INSC: variants seen among roughly 807,000 people sequenced by gnomAD.
INSC encodes the protein protein inscuteable homolog.
In INSC, 67 loss-of-function variants were observed where a neutral mutation model predicts 58.6. The ratio of observed to expected loss-of-function variants is 1.14; its 90% CI spans 0.94 to 1.40. The LOEUF is 1.40. INSC is among the 40% of genes most tolerant of loss of function. The pLI is 0.00. For missense variants in INSC, 714 were observed against 692.0 expected, an observed-to-expected ratio of 1.03 and a Z score of -0.36; for synonymous variants, 262 against 276.1, an observed-to-expected ratio of 0.95 and a Z score of 0.51.
chr11:15,200,714 C>A, intron 6 of INSC, 110 bp from the exon 7 acceptor site: 1 of 1,458,628 alleles, frequency 6.9e-7, no homozygotes, highest in Non-Finnish European at 9.4e-7. Context: ...TTGCTGGAGG[C>A]AGGGAGGACC....
At chr11:15,135,984 G>A (rs1861670319) in intron 1 of INSC, among the ~76,000 whole-genome samples, 1 of 152,118 alleles carries the variant, frequency 6.6e-6, no homozygotes. Flanking sequence ...GAAGGGCCAA[G>A]AAAGTGAATC....
intron 7 of INSC, among the ~76,000 whole-genome samples, chr11:15,211,674 T>G (rs1054207990): frequency 3.9e-5 from 6 of 152,184 alleles, no homozygotes; most frequent in African/African-American, 1.4e-4. Flanking sequence ...CCTTTAAAAT[T>G]TTGGCTTATG....
chr11:15,115,963 A>G (rs571199622), intron 1 of INSC, among the ~76,000 whole-genome samples: 2 of 152,174 alleles, frequency 1.3e-5, no homozygotes, highest in South Asian at 4.2e-4. Context: ...ACCTCTGACA[A>G]TGGGTCCAAG....
chr11:15,197,252 G>C (rs1249158526), intron 6 of INSC, among the ~76,000 whole-genome samples: 1 of 152,226 alleles, frequency 6.6e-6, no homozygotes, highest in Non-Finnish European at 1.5e-5. Flanking sequence ...TCCAAGGGAT[G>C]GAGCAGACAG....
intron 2 of INSC, among the ~76,000 whole-genome samples, chr11:15,160,681 G>A (rs1017575597): frequency 1.3e-5 from 2 of 152,256 alleles, no homozygotes; most frequent in African/African-American, 4.8e-5. Flanking sequence ...GAGTTTGACA[G>A]TTAACAAGAT....
intron 1 of INSC, among the ~76,000 whole-genome samples, chr11:15,122,778 GA>G (rs1157393286): frequency 6.6e-6 from 1 of 152,142 alleles, no homozygotes; most frequent in African/African-American, 2.4e-5. Flanking sequence ...GGTACCACAA[GA>G]GCCCCCTGGT....
chr11:15,260,010 G>GA, the INSC span, among the ~76,000 whole-genome samples: 8 of 151,898 alleles, frequency 5.3e-5, no homozygotes, highest in East Asian at 1.9e-4. Context: ...TGATCAGTGG[G>GA]AAAAAAAAGT....
At chr11:15,219,899 C>A (rs547317302) in intron 7 of INSC, among the ~76,000 whole-genome samples, 2 of 152,312 alleles carry the variant, frequency 1.3e-5, no homozygotes, top group African/African-American at 4.8e-5. Context: ...TAGGCCCAAA[C>A]GAGGCCTCTC....
Position 15,176,060 on chromosome 11 carries a change from AG to A in INSC, c.378del (p.Asn127ThrfsTer3). 6.5e-7 allele frequency: 1 copy of A among 1,540,242 alleles called. No homozygotes were observed. The highest frequency in any genetic ancestry group is 8.8e-7 in the Non-Finnish European group (1 of 1,134,198). On this transcript the variant is annotated frameshift_variant, in exon 3 of 13. Transcript: ENST00000379556. LOFTEE classifies it high-confidence loss of function. ...SMVSEYSAVSRNSLKEMGEIE... is the reference protein window; with the variant it reads ...SMVSEYSAVSXNSLKEMGEIE... ...GGTCAGCGAGTACAGTGCTGTCAGC[AG>A]GAACTCCTTGAAGGAAATGGGCGAG...
chr11:15,151,584 T>G (rs1228454820), intron 2 of INSC, among the ~76,000 whole-genome samples: 1 of 150,278 alleles, frequency 6.7e-6, no homozygotes, highest in Non-Finnish European at 1.5e-5. Flanking sequence ...TCCTCTGGCC[T>G]CCTATCTTTC....
intron 2 of INSC, among the ~76,000 whole-genome samples, chr11:15,157,397 TGTGA>T (rs1848852164): frequency 6.6e-6 from 1 of 152,152 alleles, no homozygotes; most frequent in South Asian, 2.1e-4. Context: ...CCGTCCTCTG[TGTGA>T]GTAATAGGAT....
chr11:15,217,013 A>G (rs972563022), intron 7 of INSC, among the ~76,000 whole-genome samples: 1 of 152,248 alleles, frequency 6.6e-6, no homozygotes, highest in South Asian at 2.1e-4. Context: ...TGAGATTGGT[A>G]TTATTCCTGT....
chr11:15,117,179 T>C (rs1445792822), intron 1 of INSC, among the ~76,000 whole-genome samples: 1 of 151,696 alleles, frequency 6.6e-6, no homozygotes, highest in East Asian at 1.9e-4. Context: ...TGACCTCAGG[T>C]GATCTGCCTG....
chr11:15,137,056 A>G (rs1461398069), intron 1 of INSC, among the ~76,000 whole-genome samples: 1 of 152,176 alleles, frequency 6.6e-6, no homozygotes, highest in African/African-American at 2.4e-5. Flanking sequence ...CAGTGTGAAA[A>G]CATTAATCTC....
intron 5 of INSC, among the ~76,000 whole-genome samples, chr11:15,189,460 T>C (rs1850087042): frequency 6.6e-6 from 1 of 152,056 alleles, no homozygotes; most frequent in Non-Finnish European, 1.5e-5. Context: ...CTTGGACTCC[T>C]GGACTTGAGC....
chr11:15,121,706 G>T (rs148019680), intron 1 of INSC, among the ~76,000 whole-genome samples: 1 of 152,006 alleles, frequency 6.6e-6, no homozygotes, highest in East Asian at 1.9e-4. Context: ...TATTTCTTCC[G>T]TATTTAGTAG....
upstream of INSC, among the ~76,000 whole-genome samples, chr11:15,113,115 C>CTCTTTCTTTCTTTCTTTCTTTCTTTCTT (rs1554899324): frequency 2.0e-5 from 1 of 49,660 alleles, no homozygotes; most frequent in Non-Finnish European, 5.3e-5. Context: ...TCTTTTCTCT[C>CTCTTTCTTTCTTTCTTTCTTTCTTTCTT]TCTCTCTTTC....
intron 8 of INSC, among the ~76,000 whole-genome samples, chr11:15,224,182 A>G (rs1471565280): frequency 3.3e-5 from 5 of 152,214 alleles, no homozygotes; most frequent in Admixed American, 6.5e-5. Context: ...ATGAAGTAAA[A>G]AATATGTACA....
rs372828169 is a variant in INSC at position 15,168,288 on chromosome 11, C to A, written c.57-7453C>A. 7.9e-5 allele frequency among the ~76,000 whole-genome samples: 12 copies of A among 152,214 alleles called. No homozygotes were observed. In the South Asian group the frequency reaches 2.5e-3, roughly 32 times the overall value. ...TCCCTCCCACTACCCCACTGACAGG[C>A]CCTAGTGTGTATTGTTTCCCTCTCT... On this transcript the variant is annotated intron_variant, in intron 2 of 12. Coordinates refer to ENST00000379556, the MANE Select transcript of INSC (RefSeq NM_001042536.3).
Sources: allele counts gnomAD v4.1 joint callset (sites outside exome capture counted in the v4.1 genomes callset), GRCh38; gene constraint gnomAD v4.1.1; transcripts MANE v1.5; gene names NCBI Gene and HGNC (gene_info 2026-07-23, HGNC 2026-07-21).